Variants in CDK7 observed in about 807,000 individuals in gnomAD.
The protein encoded by CDK7 is cyclin-dependent kinase 7.
Under a neutral mutation model 49.1 loss-of-function variants are expected in CDK7, and 25 were observed. The ratio of observed to expected loss-of-function variants is 0.51; its 90% CI spans 0.37 to 0.71. The LOEUF (loss-of-function observed/expected upper bound fraction) is 0.71, where lower values mean the gene tolerates loss of function less well. Ranked by LOEUF, CDK7 falls within the 30% of genes least tolerant of loss-of-function variation. CDK7 has a pLI of 0.00. For missense variants in CDK7, 316 were observed against 411.7 expected (o/e 0.77, Z 2.01); for synonymous variants, 107 against 140.0 (o/e 0.76, Z 1.67).
intron 11 of CDK7, 69 bp downstream of exon 11, chr5:69,276,759 C>T (rs1162505424): frequency 1.1e-5 from 14 of 1,309,436 alleles, no homozygotes; most frequent in African/African-American, 1.5e-5. Flanking sequence ...GTATGGCTAG[C>T]GACTGAACAA....
At chr5:69,275,340 A>AT (rs1752009641) in intron 10 of CDK7, among the ~76,000 whole-genome samples, 2 of 152,096 alleles carry the variant, frequency 1.3e-5, no homozygotes, top group South Asian at 4.1e-4. Flanking sequence ...AAAAAGCCTT[A>AT]TTTTTTAAGA....
At chr5:69,236,662 A>G (rs866912424) in intron 2 of CDK7, among the ~76,000 whole-genome samples, 1 of 149,242 alleles carries the variant, frequency 6.7e-6, no homozygotes, top group Admixed American at 6.7e-5. Context: ...TTTATTTTTT[A>G]TTTTTTTTGA....
At chr5:69,239,433 A>G (rs1447045004) in intron 2 of CDK7, among the ~76,000 whole-genome samples, 1 of 151,220 alleles carries the variant, frequency 6.6e-6, no homozygotes, top group Non-Finnish European at 1.5e-5. Context: ...GGACTTATTC[A>G]TACTTTTTGT....
At chr5:69,262,608 G>A (rs1750901323) in intron 8 of CDK7, among the ~76,000 whole-genome samples, 1 of 149,390 alleles carries the variant, frequency 6.7e-6, no homozygotes, top group Non-Finnish European at 1.5e-5. Context: ...GGCAGAGGTT[G>A]CAATGAGCCA....
chr5:69,252,494 CTTTTT>C (rs138764556), intron 3 of CDK7, 43 bp downstream of exon 3: 38,229 of 359,538 alleles, frequency 0.11, 696 homozygotes, highest in African/African-American at 0.19. Context: ...AAGTTTTCTC[CTTTTT>C]TTTTTTTTTT....
chr5:69,262,123 A>C (rs1750863897), intron 7 of CDK7, 82 bp from the exon 8 acceptor site: 1 of 1,568,920 alleles, frequency 6.4e-7, no homozygotes, highest in African/African-American at 1.4e-5. Context: ...AACAGAAAAC[A>C]GACAAGGATC....
chr5:69,271,950 A>C (rs903411079), intron 9 of CDK7, among the ~76,000 whole-genome samples: 1 of 149,616 alleles, frequency 6.7e-6, no homozygotes, highest in Non-Finnish European at 1.5e-5. Context: ...TTTCTTTGAG[A>C]CAGTCTCACT....
At chr5:69,258,631 C>T (rs944231802) in intron 6 of CDK7, among the ~76,000 whole-genome samples, 9 of 152,164 alleles carry the variant, frequency 5.9e-5, no homozygotes, top group African/African-American at 2.2e-4. Flanking sequence ...ATCTGCCCAT[C>T]TTGGCCTCCC....
intron 8 of CDK7, among the ~76,000 whole-genome samples, chr5:69,267,993 G>T (rs928633479): frequency 2.6e-5 from 4 of 151,860 alleles, no homozygotes; most frequent in African/African-American, 7.3e-5. Flanking sequence ...ATGGATTCTT[G>T]TTCTGTCGCC....
chr5:69,257,360 CCTAA>C (rs935758767), intron 5 of CDK7, among the ~76,000 whole-genome samples: 3 of 152,100 alleles, frequency 2.0e-5, no homozygotes, highest in Non-Finnish European at 2.9e-5. Context: ...ACTTTTAGTT[CCTAA>C]CTGATAAATC....
rs752619178 is a variant in CDK7, at chr5:69,262,259, G to C, written c.582G>C (p.Val194=). ...GAGCTAGGATGTATGGTGTAGGTGTGGACATGTGGGCTGTTGGCTGTATAT... is the reference window on the plus strand; with the variant it reads ...GAGCTAGGATGTATGGTGTAGGTGTCGACATGTGGGCTGTTGGCTGTATAT... ...LFGARMYGVG[V]DMWAVGCILA... The change falls in exon 8 of 12, where the codon GTG becomes GTC. Residue 194 remains valine (V), a synonymous_variant. Coordinates refer to ENST00000256443, the MANE Select transcript of CDK7 (RefSeq NM_001799.4). 4.3e-6 allele frequency: 7 copies of C among 1,614,078 alleles called. No homozygotes were observed. The South Asian group carries it at 7.7e-5, about 18-fold the overall frequency.
At chr5:69,259,287 C>T (rs1423249931) in intron 6 of CDK7, among the ~76,000 whole-genome samples, 1 of 152,080 alleles carries the variant, frequency 6.6e-6, no homozygotes, top group Admixed American at 6.6e-5. Context: ...TAGAACAAAG[C>T]TGATAATTTA....
Position 69,262,292 on chromosome 5 carries a change from G to A in CDK7, c.615G>A (p.Glu205=). The change falls in exon 8 of 12, where the codon GAG becomes GAA. Residue 205 remains glutamate, a synonymous_variant. Transcript: ENST00000256443. ...GGGCTGTTGGCTGTATATTAGCAGA[G>A]TTACTTCTAAGGGTAAGTCTAAATT... ...DMWAVGCILA[E]LLLRVPFLPG... 6.2e-7 allele frequency: 1 copy of A among 1,614,006 alleles called. No individual in the cohort carries two copies. The highest frequency in any genetic ancestry group is 2.2e-5 in the East Asian group (1 of 44,884).
chr5:69,277,014 T>C, intron 11 of CDK7, 93 bp from the exon 12 acceptor site: 2 of 1,049,906 alleles, frequency 1.9e-6, no homozygotes, highest in Non-Finnish European at 2.8e-6. Context: ...AATAATGTAG[T>C]TGGAATGCAG....
intron 7 of CDK7, among the ~76,000 whole-genome samples, chr5:69,260,918 A>G (rs887855973): frequency 6.6e-5 from 10 of 152,120 alleles, no homozygotes; most frequent in African/African-American, 2.4e-4. Context: ...CTTGGGTTCA[A>G]GCAATCGTGC....
chr5:69,240,480 G>A (rs1426294220), intron 2 of CDK7, among the ~76,000 whole-genome samples: 2 of 152,136 alleles, frequency 1.3e-5, no homozygotes, highest in Admixed American at 6.5e-5. Context: ...AAATATTTTA[G>A]GCAACAAAAA....
chr5:69,258,248 ATTTATAGCTGACTGT>A, intron 6 of CDK7, 95 bp downstream of exon 6: 1 of 592,202 alleles, frequency 1.7e-6, no homozygotes, highest in Middle Eastern at 2.6e-4. Context: ...TTAACAATGA[ATTTATAGCTGACTGT>A]TTTATCCCAT....
At chr5:69,242,722 C>G (rs1477707999) in intron 2 of CDK7, among the ~76,000 whole-genome samples, 8 of 152,072 alleles carry the variant, frequency 5.3e-5, no homozygotes, top group African/African-American at 1.9e-4. Context: ...TGCCAACACT[C>G]AGGAATGAGC....
At chr5:69,265,344 G>GAA (rs908618505) in intron 8 of CDK7, among the ~76,000 whole-genome samples, 1 of 144,510 alleles carries the variant, frequency 6.9e-6, no homozygotes, top group African/African-American at 2.5e-5. Context: ...GGCTCTGCAT[G>GAA]AAAAAAAAAA....
Sources: gnomAD v4.1 joint callset for allele counts (sites outside exome capture counted in the v4.1 genomes callset) on GRCh38, gnomAD v4.1.1 for gene constraint, MANE v1.5 for transcripts, NCBI Gene and HGNC (gene_info 2026-07-23, HGNC 2026-07-21) for gene names.